TENM1: variants seen among roughly 807,000 people sequenced by gnomAD.
TENM1 encodes teneurin-1.
A neutral mutation model predicts 174.8 loss-of-function variants in TENM1; 35 were observed. That is an observed-to-expected ratio of 0.20 (90% CI 0.15 to 0.27). The LOEUF (loss-of-function observed/expected upper bound fraction) is 0.27. TENM1 is among the 10% of genes least tolerant of loss of function. The pLI is 1.00. For synonymous variants in TENM1, 781 were observed against 798.7 expected (o/e 0.98, Z 0.37); for missense variants, 1,633 against 2,130.1 (o/e 0.77, Z 4.59).
chrX:124,734,447 CAAAT>C lies in TENM1; in HGVS notation c.776+2506_776+2509del, dbSNP rs76682292. On this transcript the variant is annotated intron_variant, in intron 4 of 31. Coordinates refer to ENST00000422452, the Ensembl canonical transcript of TENM1. Reference sequence around the variant, plus strand: ...CCTGGGCGACAGAAGGAGACTGTCTCAAATAAATAAATAAATAAATAAATAAATA... The same window carrying C: ...CCTGGGCGACAGAAGGAGACTGTCTCAAATAAATAAATAAATAAATAAATA... Among the ~76,000 whole-genome samples the C allele has an allele frequency of 5.1e-3, 529 of 104,365 alleles. 5 individuals carry two copies. Among genetic ancestry groups the C allele is most frequent in the African/African-American group, 0.016 (433 of 27,788 alleles). 90.6% of individuals were successfully genotyped at this position (104,365 alleles called of 115,157 possible). A position where few individuals can be genotyped will look rare whatever the true frequency, so the allele number is the denominator to read the frequency against.
At chrX:124,491,976 G>A (rs748323824) in intron 20 of TENM1, among the ~76,000 whole-genome samples, 6 of 111,719 alleles carry the variant, frequency 5.4e-5, no homozygotes, top group Non-Finnish European at 1.1e-4. Context: ...CTCTAAACAG[G>A]TTAAATTGTA....
chrX:124,863,985 T>C (rs1017224023), intron 3 of TENM1, among the ~76,000 whole-genome samples: 1 of 112,257 alleles, frequency 8.9e-6, no homozygotes, highest in Non-Finnish European at 1.9e-5. Context: ...AACTCTCCCA[T>C]ATCTTGTCCA....
chrX:125,170,112 C>G, the TENM1 span, among the ~76,000 whole-genome samples: 2 of 111,385 alleles, frequency 1.8e-5, no homozygotes, highest in Non-Finnish European at 1.9e-5. Context: ...TTAAGCAAGG[C>G]CTTTATCTCC....
chrX:124,569,681 T>A (rs1237126443), intron 11 of TENM1, among the ~76,000 whole-genome samples: 1 of 111,091 alleles, frequency 9.0e-6, no homozygotes, highest in Admixed American at 9.6e-5. Context: ...TAAGACATCA[T>A]CATGAAAATT....
chrX:125,057,357 T>TACAC, the TENM1 span, among the ~76,000 whole-genome samples: 21 of 90,648 alleles, frequency 2.3e-4, no homozygotes, highest in East Asian at 3.4e-3. Context: ...TATACATACA[T>TACAC]ACACACACAC....
chrX:124,376,359 T>C, exon 32 of TENM1: 1 of 112,456 alleles, frequency 8.9e-6, no homozygotes, highest in Middle Eastern at 4.6e-3. Context: ...TACTGATGCT[T>C]TTGCCAGAAG....
intron 28 of TENM1, among the ~76,000 whole-genome samples, chrX:124,388,900 T>A (rs937041077): frequency 8.9e-6 from 1 of 112,275 alleles, no homozygotes; most frequent in African/African-American, 3.2e-5. Flanking sequence ...ATTAAATGAT[T>A]ATAAAATATA....
intron 3 of TENM1, among the ~76,000 whole-genome samples, chrX:124,797,314 C>G (rs1183209312): frequency 9.0e-6 from 1 of 111,662 alleles, no homozygotes; most frequent in East Asian, 2.8e-4. Flanking sequence ...GTTGATTATT[C>G]TTTGAGGGGT....
At chrX:124,950,936 C>T (rs764058011) in intron 1 of TENM1, among the ~76,000 whole-genome samples, 1 of 111,702 alleles carries the variant, frequency 9.0e-6, no homozygotes, top group East Asian at 2.8e-4. Context: ...GTTAAAAAGG[C>T]AACTTTCTCA....
chrX:125,038,777 A>T, the TENM1 span, among the ~76,000 whole-genome samples: 1 of 111,903 alleles, frequency 8.9e-6, no homozygotes, highest in Non-Finnish European at 1.9e-5. Context: ...TGAATATTGG[A>T]AAAAAAGGAA....
chrX:125,060,663 T>C, the TENM1 span, among the ~76,000 whole-genome samples: 1 of 110,829 alleles, frequency 9.0e-6, no homozygotes, highest in Non-Finnish European at 1.9e-5. Flanking sequence ...ACATTCTAGC[T>C]GGTGAAAAAA....
the TENM1 span, among the ~76,000 whole-genome samples, chrX:125,073,238 T>A: frequency 4.5e-5 from 5 of 111,241 alleles, no homozygotes; most frequent in Non-Finnish European, 7.6e-5. Context: ...TAACCAAATT[T>A]CTTCAGTTTG....
intron 11 of TENM1, among the ~76,000 whole-genome samples, chrX:124,591,697 T>C (rs2049747956): frequency 9.0e-6 from 1 of 111,699 alleles, no homozygotes; most frequent in South Asian, 3.8e-4. Context: ...GCGGACTACA[T>C]GCATTGGTGA....
At chrX:124,843,384 A>G (rs1357536189) in intron 3 of TENM1, among the ~76,000 whole-genome samples, 6 of 111,384 alleles carry the variant, frequency 5.4e-5, no homozygotes, top group Non-Finnish European at 9.4e-5. Flanking sequence ...TGCTATTTGC[A>G]ATAGCTTCAG....
intron 8 of TENM1, among the ~76,000 whole-genome samples, chrX:124,647,187 T>G (rs909062431): frequency 8.9e-6 from 1 of 112,137 alleles, no homozygotes. Flanking sequence ...CACAGATGAC[T>G]AAGTCTACTG....
At chrX:124,769,219 AATT>A (rs2054599410) in intron 3 of TENM1, among the ~76,000 whole-genome samples, 1 of 111,853 alleles carries the variant, frequency 8.9e-6, no homozygotes, top group Non-Finnish European at 1.9e-5. Flanking sequence ...AAGATGCTAT[AATT>A]ATTATTCATT....
intron 21 of TENM1, among the ~76,000 whole-genome samples, chrX:124,486,721 A>G (rs2046961070): frequency 8.9e-6 from 1 of 112,044 alleles, no homozygotes; most frequent in South Asian, 3.7e-4. Context: ...TTTGGTGGAA[A>G]GAAATAGAAA....
At chrX:124,612,431 T>C (rs1358337448) in intron 11 of TENM1, among the ~76,000 whole-genome samples, 1 of 111,433 alleles carries the variant, frequency 9.0e-6, no homozygotes, top group African/African-American at 3.3e-5. Flanking sequence ...ATAAAAATGT[T>C]GAAATCTACT....
At chrX:124,631,936 A>G (rs1304584806) in intron 11 of TENM1, among the ~76,000 whole-genome samples, 5 of 78,547 alleles carry the variant, frequency 6.4e-5, no homozygotes, top group Admixed American at 1.4e-4. Context: ...TTTTTTTTTG[A>G]CAGTCTTGCT....
Sources: allele counts gnomAD v4.1 joint callset (sites outside exome capture counted in the v4.1 genomes callset), GRCh38; gene constraint gnomAD v4.1.1; transcripts MANE v1.5; gene names NCBI Gene and HGNC (gene_info 2026-07-23, HGNC 2026-07-21).